Variants in MMP9 observed in about 807,000 individuals in gnomAD.
The protein encoded by MMP9 is matrix metalloproteinase-9.
In MMP9, 73 loss-of-function variants were observed where a neutral mutation model predicts 76.4. The observed-to-expected ratio is 0.96, with a 90% CI of 0.79 to 1.16. The LOEUF is 1.16. MMP9 is among the 50% of genes most tolerant of loss of function. The pLI is 0.00. For synonymous variants in MMP9, 412 were observed against 408.4 expected, an observed-to-expected ratio of 1.01 and a Z score of -0.11; for missense variants, 943 against 973.0, an observed-to-expected ratio of 0.97 and a Z score of 0.41.
In MMP9 at chr20:46,011,632, C is replaced by G. The variant is rs1274371041; in HGVS notation, c.882C>G (p.Phe294Leu). 3 of 1,613,974 alleles carry G rather than the reference C, an allele frequency of 1.9e-6. No individual in the cohort carries two copies. The Admixed American group carries it at 5.0e-5, about 27-fold the overall frequency. Reference protein sequence around the residue: ...DGKPCQFPFIFQGQSYSACTT... With the variant: ...DGKPCQFPFILQGQSYSACTT... ...AACCCTGCCAGTTTCCATTCATCTT[C>G]CAAGGCCAATCCTACTCCGCCTGCA... The change falls in exon 6 of 13, where the codon TTC becomes TTG. Residue 294 changes from phenylalanine (F) to leucine (L), a missense_variant. Coordinates refer to ENST00000372330, the MANE Select transcript of MMP9 (RefSeq NM_004994.3).
chr20:46,011,127 C>T lies in MMP9; in HGVS notation c.650-16C>T, dbSNP rs759663353. ...ATCACCCGCCGCCCTAACTCCGGTC[C>T]CCCCTCCTCCTGCAGTGGTTCCAAC... On this transcript the variant is annotated splice_polypyrimidine_tract_variant and intron_variant, in intron 4 of 12. Transcript: ENST00000372330. 10 of 1,614,074 alleles carry T rather than the reference C, an allele frequency of 6.2e-6. No individual in the cohort carries two copies. The highest frequency in any genetic ancestry group is 8.5e-6 in the Non-Finnish European group (10 of 1,180,038).
chr20:46,014,090 G>A (rs1052419806), intron 10 of MMP9, 34 bp from the exon 11 acceptor site: 1 of 1,533,930 alleles, frequency 6.5e-7, no homozygotes, highest in Non-Finnish European at 8.7e-7. Context: ...CTCCCTCTGC[G>A]CCCCCAAACC....
At position 46,008,916 on chromosome 20, in the gene MMP9, C is replaced by T. The variant is rs377109198; in HGVS notation, c.-11C>T. On this transcript the variant is annotated 5_prime_UTR_variant, in exon 1 of 13. Coordinates refer to ENST00000372330, the MANE Select transcript of MMP9 (RefSeq NM_004994.3). ...CAACAGCAGCTGCAGTCAGACACCT[C>T]TGCCCTCACCATGAGCCTCTGGCAG... 6.2e-7 allele frequency: 1 copy of T among 1,612,606 alleles called. No homozygotes were observed. The highest frequency in any genetic ancestry group is 1.3e-5 in the African/African-American group (1 of 74,894).
intron 5 of MMP9, 40 bp from the exon 6 acceptor site, chr20:46,011,534 C>A (rs199856055): frequency 5.6e-6 from 9 of 1,612,034 alleles, no homozygotes; most frequent in Non-Finnish European, 5.9e-6. Flanking sequence ...AATGTGCTGT[C>A]TCCGCCTTCT....
Position 46,013,855 on chromosome 20 carries a change from A to G in MMP9, c.1750+59A>G. ...AATCCCCATCAGTCAAGGAGGCTCA[A>G]GAGACCATCGATAACCCACGAAACG... On this transcript the variant is annotated intron_variant, in intron 10 of 12. Transcript: ENST00000372330. This position sits in a 1 kb window ranked among gnomAD's most constrained non-coding sequence, Gnocchi z 4.5. 6.2e-7 allele frequency: 1 copy of G among 1,605,634 alleles called. No homozygotes were observed. Among genetic ancestry groups the G allele is most frequent in the Non-Finnish European group, 8.5e-7 (1 of 1,176,096 alleles).
chr20:46,009,767 A>G, intron 1 of MMP9, 99 bp from the exon 2 acceptor site: 1 of 1,051,048 alleles, frequency 9.5e-7, no homozygotes, highest in South Asian at 1.4e-5. Flanking sequence ...GAAAAAGAAA[A>G]AAGACTCCCT....
chr20:46,009,681 A>C (rs1451537394), intron 1 of MMP9, among the ~76,000 whole-genome samples, 185 bp from the exon 2 acceptor site: 1 of 152,108 alleles, frequency 6.6e-6, no homozygotes, highest in African/African-American at 2.4e-5. Context: ...CCAGCTATGC[A>C]GAAGGCTGAG....
At chr20:46,010,332 A>ACAAACAAACAAAC in intron 2 of MMP9, 151 bp from the exon 3 acceptor site, 2 of 772,996 alleles carry the variant, frequency 2.6e-6, no homozygotes, top group South Asian at 3.6e-5. Flanking sequence ...AAAAAAAAAA[A>ACAAACAAACAAAC]AAAAAAAAAC....
At chr20:46,010,146 C>G in intron 2 of MMP9, 48 bp downstream of exon 2, 1 of 1,494,302 alleles carries the variant, frequency 6.7e-7, no homozygotes, top group Non-Finnish European at 9.1e-7. Flanking sequence ...GAGGCCAGGT[C>G]TGGCTCTTGG....
Position 46,013,872 on chromosome 20 carries a change from C to A in MMP9, c.1750+76C>A. The stretch of plus-strand genomic sequence containing the variant: ...GAGGCTCAAGAGACCATCGATAACC[C>A]ACGAAACGTCTTGTGCGTTTTAGAA... On this transcript the variant is annotated intron_variant, in intron 10 of 12. Transcript: ENST00000372330. The surrounding 1 kb of genome is among the most constrained non-coding windows in gnomAD (Gnocchi z 4.5). 1 of 1,587,226 alleles carries A rather than the reference C, an allele frequency of 6.3e-7. No homozygotes were observed.
In MMP9 at chr20:46,013,013, C is replaced by T. The variant is rs911265407; in HGVS notation, c.1331-242C>T. ...GGCTGAGGTGGGAGGATCTCTTGAG[C>T]CCAGGAGTTCGAGGCTGTAGTGAGC... On this transcript the variant is annotated intron_variant, in intron 8 of 12. Transcript: ENST00000372330. The surrounding 1 kb of genome is among the most constrained non-coding windows in gnomAD (Gnocchi z 4.5). 6.6e-6 allele frequency among the ~76,000 whole-genome samples: 1 copy of T among 152,166 alleles called. No individual in the cohort carries two copies. The highest frequency in any genetic ancestry group is 1.5e-5 in the Non-Finnish European group (1 of 68,034).
rs199860204 is a variant in MMP9, at chr20:46,012,143, C to T, written c.1004C>T (p.Ser335Leu). 14 of 1,614,004 alleles carry T rather than the reference C, an allele frequency of 8.7e-6. No homozygotes were observed. Among genetic ancestry groups the T allele is most frequent in the Non-Finnish European group, 1.2e-5 (14 of 1,179,990 alleles). The stretch of plus-strand genomic sequence containing the variant: ...AGGCCTTGGGTCTCTCCAGCTGACT[C>T]GACGGTGATGGGGGGCAACTCGGCG... ...LFGFCPTRAD[S>L]TVMGGNSAGE... Residue 335 changes from serine to leucine, a missense_variant, in exon 7 of 13, where the codon TCG (serine) becomes TTG (leucine). Physicochemically the swap from Ser to Leu is moderately radical, Grantham distance 145. Coordinates refer to ENST00000372330, the MANE Select transcript of MMP9 (RefSeq NM_004994.3).
intron 2 of MMP9, 151 bp from the exon 3 acceptor site, chr20:46,010,332 A>AACAAAAAAAAAC: frequency 1.3e-6 from 1 of 772,994 alleles, no homozygotes; most frequent in Non-Finnish European, 2.0e-6. Context: ...AAAAAAAAAA[A>AACAAAAAAAAAC]AAAAAAAAAC....
At chr20:46,015,375 C>G (rs1271071253) in intron 12 of MMP9, among the ~76,000 whole-genome samples, 1 of 152,078 alleles carries the variant, frequency 6.6e-6, no homozygotes, top group African/African-American at 2.4e-5. Context: ...TCAATGAGGC[C>G]TTCTTTGATG....
chr20:46,011,113 C>A (rs368615019), intron 4 of MMP9, 30 bp from the exon 5 acceptor site: 1 of 1,614,006 alleles, frequency 6.2e-7, no homozygotes, highest in South Asian at 1.1e-5. Flanking sequence ...TCACCCGCCG[C>A]CCTAACTCCG....
chr20:46,014,569 A>G (rs2084308038), intron 12 of MMP9, 95 bp downstream of exon 12: 1 of 1,216,050 alleles, frequency 8.2e-7, no homozygotes, highest in Non-Finnish European at 1.2e-6. Context: ...GCCCTTGGAA[A>G]TGGAAACAAA....
At position 46,016,273 on chromosome 20, in the gene MMP9, C is replaced by T. The variant is rs202215075; in HGVS notation, c.2029C>T (p.Arg677Cys). 14 of 1,614,068 alleles carry T rather than the reference C, an allele frequency of 8.7e-6. No homozygotes were observed. The highest frequency in any genetic ancestry group is 3.3e-5 in the South Asian group (3 of 91,090). The change falls in exon 13 of 13, where the codon CGC becomes TGC. Residue 677 changes from arginine to cysteine, a missense_variant. Transcript: ENST00000372330. ...YREKAYFCQD[R>C]FYWRVSSRSE... Reference sequence around the variant, plus strand: ...AGAGAAAGCCTATTTCTGCCAGGACCGCTTCTACTGGCGCGTGAGTTCCCG... The same window carrying T: ...AGAGAAAGCCTATTTCTGCCAGGACTGCTTCTACTGGCGCGTGAGTTCCCG...
rs528756314 is a variant in MMP9 at position 46,014,518 on chromosome 20, T to A, written c.2005+44T>A. ...CCCTTCGTGAGACACCACACTAAGC[T>A]CCTCTTAGTGAGTGGTCAAATTCTG... is the stretch of plus-strand genomic sequence containing the variant. On this transcript the variant is annotated intron_variant, in intron 12 of 12. Coordinates refer to ENST00000372330, the MANE Select transcript of MMP9 (RefSeq NM_004994.3). 115 of 1,491,542 alleles carry A rather than the reference T, an allele frequency of 7.7e-5. 1 individual carries two copies. In the South Asian group the frequency reaches 1.3e-3, roughly 17 times the overall value. 92.4% of individuals were successfully genotyped at this position (1,491,542 alleles called of 1,614,324 possible). A position where few individuals can be genotyped will look rare whatever the true frequency, so the allele number is the denominator to read the frequency against.
chr20:46,010,335 A>ACAAAACAAAAC, intron 2 of MMP9, 148 bp from the exon 3 acceptor site: 1 of 879,334 alleles, frequency 1.1e-6, no homozygotes, highest in African/African-American at 1.7e-5. Context: ...AAAAAAAAAA[A>ACAAAACAAAAC]AAAAAACAGT....
Sources: gnomAD v4.1 joint callset for allele counts (sites outside exome capture counted in the v4.1 genomes callset) on GRCh38, gnomAD v4.1.1 for gene constraint, Gnocchi (gnomAD v3.1) non-coding constraint, MANE v1.5 for transcripts, NCBI Gene and HGNC (gene_info 2026-07-23, HGNC 2026-07-21) for gene names.